Variants in CD96 observed in about 807,000 individuals in gnomAD.
CD96 encodes the protein T-cell surface protein tactile.
Under a neutral mutation model 71.3 loss-of-function variants are expected in CD96, and 70 were observed. That is an observed-to-expected ratio of 0.98 (90% CI 0.81 to 1.20). CD96 has a LOEUF of 1.20. CD96 is among the 50% of genes most tolerant of loss of function. The pLI is 0.00. For missense variants in CD96, 742 were observed against 677.5 expected (o/e 1.10, Z -1.06); for synonymous variants, 248 against 233.0 (o/e 1.06, Z -0.59).
intron 2 of CD96, among the ~76,000 whole-genome samples, chr3:111,547,314 G>C (rs1387844926): frequency 1.3e-5 from 2 of 152,154 alleles, no homozygotes; most frequent in Non-Finnish European, 2.9e-5. Flanking sequence ...TTAAATATGA[G>C]CCCTGCTCCT....
chr3:111,605,535 T>C (rs573421095), intron 7 of CD96, among the ~76,000 whole-genome samples: 1 of 152,332 alleles, frequency 6.6e-6, no homozygotes, highest in African/African-American at 2.4e-5. Flanking sequence ...ATTTTGGATG[T>C]ATGAAGAAAA....
intron 14 of CD96, among the ~76,000 whole-genome samples, chr3:111,665,238 T>C (rs1288649963): frequency 1.3e-5 from 2 of 152,100 alleles, no homozygotes; most frequent in African/African-American, 4.8e-5. Context: ...TTTGCAACTT[T>C]TTTTGAAGTT....
rs1353373819 is a variant in CD96, at chr3:111,652,035, T to C, written c.*2229T>C. ...AGCCTCCAGTCAAGTCTTCAGATAA[T>C]TGCAACTTCAGTTGATCTTTTGACC... is the stretch of plus-strand genomic sequence containing the variant. On this transcript the variant is annotated 3_prime_UTR_variant, in exon 14 of 14. Transcript: ENST00000352690. 1 of 152,182 alleles carries C rather than the reference T, an allele frequency of 6.6e-6. No homozygotes were observed. The highest frequency in any genetic ancestry group is 1.5e-5 in the Non-Finnish European group (1 of 68,044). The allele number at this position is 152,182 out of a possible 1,614,324, so 9.4% of individuals were successfully genotyped here.
At chr3:111,659,748 C>T (rs904411842) in intron 14 of CD96, among the ~76,000 whole-genome samples, 6 of 152,054 alleles carry the variant, frequency 3.9e-5, no homozygotes, top group Non-Finnish European at 8.8e-5. Flanking sequence ...ATAGGATTCA[C>T]CACATAAACA....
At chr3:111,548,405 T>A (rs910414973) in intron 2 of CD96, among the ~76,000 whole-genome samples, 1 of 152,138 alleles carries the variant, frequency 6.6e-6, no homozygotes, top group Admixed American at 6.6e-5. Flanking sequence ...AGAGTGGAAA[T>A]ATAATAAACA....
chr3:111,625,163 C>T (rs938148089), intron 10 of CD96, among the ~76,000 whole-genome samples: 4 of 152,178 alleles, frequency 2.6e-5, no homozygotes, highest in African/African-American at 9.7e-5. Context: ...TTCATATACT[C>T]TTGCTCCCTC....
At chr3:111,563,611 C>T (rs1935561981) in intron 2 of CD96, among the ~76,000 whole-genome samples, 1 of 152,130 alleles carries the variant, frequency 6.6e-6, no homozygotes, top group Non-Finnish European at 1.5e-5. Flanking sequence ...ACACATTTCC[C>T]CAGTTTTGTA....
chr3:111,551,645 C>T (rs1934711087), intron 2 of CD96, among the ~76,000 whole-genome samples: 1 of 152,058 alleles, frequency 6.6e-6, no homozygotes, highest in Admixed American at 6.5e-5. Context: ...TAGTTTGCTG[C>T]ACAGATCATT....
intron 11 of CD96, among the ~76,000 whole-genome samples, chr3:111,637,825 T>G (rs950878141): frequency 3.3e-5 from 5 of 151,956 alleles, no homozygotes; most frequent in African/African-American, 7.3e-5. Flanking sequence ...AATAGGAAAT[T>G]TTCCTATTTT....
intron 5 of CD96, among the ~76,000 whole-genome samples, chr3:111,587,600 C>T (rs537125810): frequency 6.6e-6 from 1 of 152,328 alleles, no homozygotes; most frequent in East Asian, 1.9e-4. Context: ...CTTGTGGGGC[C>T]TCCAACCCCA....
chr3:111,592,141 A>T (rs73228191), intron 5 of CD96, among the ~76,000 whole-genome samples: 3 of 151,986 alleles, frequency 2.0e-5, no homozygotes, highest in Non-Finnish European at 4.4e-5. Context: ...TGGTTGGAGG[A>T]GGGTGGTGTG....
intron 12 of CD96, 67 bp from the exon 13 acceptor site, chr3:111,647,476 G>A (rs1939885411): frequency 6.9e-7 from 1 of 1,447,268 alleles, no homozygotes; most frequent in Non-Finnish European, 9.7e-7. Flanking sequence ...AGGAAAAATG[G>A]TTTAATCCTG....
At chr3:111,563,851 A>C (rs1160013858) in intron 2 of CD96, among the ~76,000 whole-genome samples, 1 of 152,206 alleles carries the variant, frequency 6.6e-6, no homozygotes, top group African/African-American at 2.4e-5. Flanking sequence ...TCTATTGGAG[A>C]ATCCTCAGGA....
chr3:111,595,222 T>A (rs1398851301), intron 5 of CD96: 1 of 152,592 alleles, frequency 6.6e-6, no homozygotes, highest in Admixed American at 6.5e-5. Context: ...TTTCTTAAAC[T>A]AATGAGAGCT....
intron 8 of CD96, among the ~76,000 whole-genome samples, chr3:111,615,542 G>T (rs145433177): frequency 9.9e-5 from 15 of 152,278 alleles, no homozygotes; most frequent in Admixed American, 2.6e-4. Flanking sequence ...CCCAAGGTAG[G>T]AAATAGAGTG....
At chr3:111,617,605 T>C (rs188075556) in intron 8 of CD96, among the ~76,000 whole-genome samples, 17 of 152,212 alleles carry the variant, frequency 1.1e-4, no homozygotes, top group South Asian at 8.3e-4. Flanking sequence ...TGGACACTCA[T>C]TGGGACAGCC....
chr3:111,664,042 G>A (rs370765879), intron 14 of CD96, among the ~76,000 whole-genome samples: 17 of 152,234 alleles, frequency 1.1e-4, no homozygotes, highest in East Asian at 5.8e-4. Flanking sequence ...GAGCCACTGC[G>A]CCCAGCCGCT....
intron 2 of CD96, among the ~76,000 whole-genome samples, chr3:111,563,391 G>A (rs1935551303): frequency 6.6e-6 from 1 of 152,310 alleles, no homozygotes; most frequent in East Asian, 1.9e-4. Context: ...AAAAAAAGCT[G>A]CTGGTTTTTG....
rs559458602 is a variant in CD96 at position 111,616,534 on chromosome 3, G to T, written c.1181-7220G>T. On this transcript the variant is annotated intron_variant, in intron 8 of 13. Coordinates refer to ENST00000352690, the MANE Select transcript of CD96 (RefSeq NM_005816.5). ...CTAGACATCATGAGTGAGCTCTTCCGTGGCTAGGCCCTGATGATGATGATG... is the reference window on the plus strand; with the variant it reads ...CTAGACATCATGAGTGAGCTCTTCCTTGGCTAGGCCCTGATGATGATGATG... 6.6e-5 allele frequency among the ~76,000 whole-genome samples: 10 copies of T among 152,218 alleles called. No homozygotes were observed. The East Asian group carries it at 9.7e-4, about 15-fold the overall frequency.
Sources: allele counts gnomAD v4.1 joint callset (sites outside exome capture counted in the v4.1 genomes callset), GRCh38; gene constraint gnomAD v4.1.1; transcripts MANE v1.5; gene names NCBI Gene and HGNC (gene_info 2026-07-23, HGNC 2026-07-21).